The following CNOT6 variants were observed in gnomAD, a reference collection of about 807,000 sequenced individuals.
CNOT6 encodes the protein CCR4-NOT transcription complex subunit 6.
In CNOT6, 12 loss-of-function variants were observed where a neutral mutation model predicts 61.2. The observed-to-expected ratio is 0.20, with a 90% CI of 0.13 to 0.32. CNOT6 has a LOEUF of 0.32. CNOT6 is among the 10% of genes least tolerant of loss of function. The probability of loss-of-function intolerance (pLI) is 1.00; values close to 1 mark genes in which losing one functional copy is unlikely to be tolerated. For synonymous variants in CNOT6, 225 were observed against 240.6 expected, an observed-to-expected ratio of 0.94 and a Z score of 0.60; for missense variants, 405 against 663.9, an observed-to-expected ratio of 0.61 and a Z score of 4.28.
chr5:180,532,137 G>A (rs1055597348), intron 2 of CNOT6, among the ~76,000 whole-genome samples: 2 of 152,204 alleles, frequency 1.3e-5, no homozygotes, highest in African/African-American at 2.4e-5. Context: ...AGCCCAAAGA[G>A]AAATATGCAC....
intron 2 of CNOT6, among the ~76,000 whole-genome samples, chr5:180,533,166 T>A (rs1450787450): frequency 6.6e-6 from 1 of 152,010 alleles, no homozygotes; most frequent in Non-Finnish European, 1.5e-5. Context: ...GACGGTCTTC[T>A]GACCCACAGT....
At chr5:180,521,895 A>G (rs956099332) in intron 1 of CNOT6, among the ~76,000 whole-genome samples, 5 of 152,180 alleles carry the variant, frequency 3.3e-5, no homozygotes. Context: ...GCCATGTAGT[A>G]TTCCATGATG....
chr5:180,552,515 A>G (rs7379383), intron 3 of CNOT6, among the ~76,000 whole-genome samples: 43,412 of 151,194 alleles, frequency 0.29, 6,660 homozygotes, highest in East Asian at 0.49. Context: ...GTGTGGTGGC[A>G]GGCACCTGTA....
chr5:180,504,022 A>G (rs1486107505), intron 1 of CNOT6, among the ~76,000 whole-genome samples: 1 of 152,214 alleles, frequency 6.6e-6, no homozygotes. Flanking sequence ...TTACACTAGT[A>G]GTTGATCATG....
intron 2 of CNOT6, among the ~76,000 whole-genome samples, 180 bp from the exon 3 acceptor site, chr5:180,549,751 C>G (rs1310189312): frequency 6.6e-6 from 1 of 152,084 alleles, no homozygotes; most frequent in Non-Finnish European, 1.5e-5. Context: ...AAGTGAGGAG[C>G]TTATAACTTA....
rs374663269 is a variant in CNOT6, at chr5:180,550,925, TCTTAA to T, written c.299+812_299+816del. Among the ~76,000 whole-genome samples, 205 of 152,290 alleles carry T rather than the reference TCTTAA, an allele frequency of 1.3e-3. 1 individual carries two copies. Among genetic ancestry groups the T allele is most frequent in the Admixed American group, 0.011 (162 of 15,296 alleles). On this transcript the variant is annotated intron_variant, in intron 3 of 11. Transcript: ENST00000261951. ...TCACATGTGTAAGTTCAGGTTGGAA[TCTTAA>T]CTTTGCCATTTATGAGTTGTGTGAT...
chr5:180,551,847 C>G (rs1437588741), intron 3 of CNOT6, among the ~76,000 whole-genome samples: 2 of 150,718 alleles, frequency 1.3e-5, no homozygotes, highest in Non-Finnish European at 3.0e-5. Flanking sequence ...AACAAATTTA[C>G]TTGAAGGACC....
At chr5:180,499,657 C>G (rs555519940) in intron 1 of CNOT6, among the ~76,000 whole-genome samples, 2 of 152,252 alleles carry the variant, frequency 1.3e-5, no homozygotes, top group East Asian at 3.9e-4. Context: ...ATCAGTGACA[C>G]ATTTAAAAAA....
chr5:180,505,901 G>C (rs1757115699), intron 1 of CNOT6, among the ~76,000 whole-genome samples: 1 of 152,138 alleles, frequency 6.6e-6, no homozygotes, highest in Non-Finnish European at 1.5e-5. Context: ...GTAGTGTTTT[G>C]AGATCTGCTG....
At position 180,549,043 on chromosome 5, in the gene CNOT6, TCTGACTTACTATCTGAAGCGTTTC is replaced by T. The variant is rs1192769656; in HGVS notation, c.113-887_113-864del. ...GCCTACTACTATTTGATTATAAAGG[TCTGACTTACTATCTGAAGCGTTTC>T]TGGGCAAGTGTTTTTACTTGTTACC... On this transcript the variant is annotated intron_variant, in intron 2 of 11. Coordinates refer to ENST00000261951, the MANE Select transcript of CNOT6 (RefSeq NM_001370472.1). 7.1e-3 allele frequency among the ~76,000 whole-genome samples: 1,076 copies of T among 152,316 alleles called. 11 individuals are homozygous for T. Among genetic ancestry groups the T allele is most frequent in the African/African-American group, 0.025 (1,031 of 41,564 alleles).
At chr5:180,556,604 G>A (rs886937094) in intron 4 of CNOT6, among the ~76,000 whole-genome samples, 6 of 152,082 alleles carry the variant, frequency 3.9e-5, no homozygotes, top group Non-Finnish European at 8.8e-5. Context: ...CACTCTTATA[G>A]CCACACCTAC....
chr5:180,573,881 TTGTTC>T (rs75547514), intron 11 of CNOT6, 102 bp from the exon 12 acceptor site: 60,829 of 755,834 alleles, frequency 0.08, 3,060 homozygotes, highest in Non-Finnish European at 0.1. Context: ...TAAGTTTCAC[TTGTTC>T]TGTTCTGTTC....
chr5:180,507,877 G>C (rs1757198227), intron 1 of CNOT6, among the ~76,000 whole-genome samples: 1 of 152,166 alleles, frequency 6.6e-6, no homozygotes, highest in African/African-American at 2.4e-5. Flanking sequence ...TTGGGGTGGA[G>C]ATGCTACACA....
At chr5:180,566,439 G>A (rs1346402683) in intron 7 of CNOT6, among the ~76,000 whole-genome samples, 2 of 152,116 alleles carry the variant, frequency 1.3e-5, no homozygotes, top group African/African-American at 2.4e-5. Context: ...AGGGTCTGAA[G>A]TTATGATTTG....
Position 180,502,324 on chromosome 5 carries a change from A to T in CNOT6, c.-3+7561A>T, listed in dbSNP as rs536061708. On this transcript the variant is annotated intron_variant, in intron 1 of 11. Transcript: ENST00000261951. ...TCTCATTAGCGATAGAGATTATCTG[A>T]TGTAAAATCATAATATTACAATTTT... Among the ~76,000 whole-genome samples, 166 of 152,338 alleles carry T rather than the reference A, an allele frequency of 1.1e-3. 1 individual carries two copies. The highest frequency in any genetic ancestry group is 2.0e-3 in the Non-Finnish European group (133 of 68,036).
At chr5:180,524,593 A>G (rs1223726254) in intron 1 of CNOT6, among the ~76,000 whole-genome samples, 5 of 152,168 alleles carry the variant, frequency 3.3e-5, no homozygotes, top group Admixed American at 2.0e-4. Flanking sequence ...AAGAAAGGGA[A>G]TGGTTGGCTG....
Position 180,576,484 on chromosome 5 carries a change from A to G in CNOT6, c.*2284A>G, listed in dbSNP as rs547195009. ...CTGTATTTGTTATTGTCTACAATAT[A>G]TTTGAATTTGGGGCAGCATATTAAG... On this transcript the variant is annotated 3_prime_UTR_variant, in exon 12 of 12. Coordinates refer to ENST00000261951, the MANE Select transcript of CNOT6 (RefSeq NM_001370472.1). 6.5e-6 allele frequency: 1 copy of G among 152,790 alleles called. No homozygotes were observed. The highest frequency in any genetic ancestry group is 2.1e-4 in the South Asian group (1 of 4,826). 9.5% of individuals were successfully genotyped at this position (152,790 alleles called of 1,614,324 possible). A position where few individuals can be genotyped will look rare whatever the true frequency, so the allele number is the denominator to read the frequency against.
chr5:180,569,937 CTTTT>C (rs1760658221), intron 10 of CNOT6, among the ~76,000 whole-genome samples: 1 of 152,138 alleles, frequency 6.6e-6, no homozygotes, highest in African/African-American at 2.4e-5. Flanking sequence ...CTGTTTCTTT[CTTTT>C]TGTGTTTCAA....
intron 1 of CNOT6, among the ~76,000 whole-genome samples, chr5:180,511,608 C>A (rs898525821): frequency 2.6e-5 from 4 of 151,138 alleles, no homozygotes; most frequent in Non-Finnish European, 5.9e-5. Context: ...AAGACTTTGT[C>A]TCAAAAAAAA....
Sources: gnomAD v4.1 joint callset for allele counts (sites outside exome capture counted in the v4.1 genomes callset) on GRCh38, gnomAD v4.1.1 for gene constraint, MANE v1.5 for transcripts, NCBI Gene and HGNC (gene_info 2026-07-23, HGNC 2026-07-21) for gene names.